The following DOCK3 variants were observed in gnomAD, a reference collection of about 807,000 sequenced individuals.
DOCK3 encodes dedicator of cytokinesis 3, also known as dedicator of cytokinesis protein 3.
Under a neutral mutation model 265.6 loss-of-function variants are expected in DOCK3, and 60 were observed. The observed-to-expected ratio is 0.23, with a 90% CI of 0.18 to 0.28. The LOEUF (loss-of-function observed/expected upper bound fraction) is 0.28. DOCK3 is among the 10% of genes least tolerant of loss of function. The probability of loss-of-function intolerance (pLI) is 1.00; values close to 1 mark genes in which losing one functional copy is unlikely to be tolerated. For synonymous variants in DOCK3, 881 were observed against 938.0 expected, an observed-to-expected ratio of 0.94 and a Z score of 1.11; for missense variants, 1,981 against 2,594.3, an observed-to-expected ratio of 0.76 and a Z score of 5.14.
intron 12 of DOCK3, among the ~76,000 whole-genome samples, chr3:51,165,505 A>G (rs570771293): frequency 6.6e-6 from 1 of 152,244 alleles, no homozygotes; most frequent in Non-Finnish European, 1.5e-5. Flanking sequence ...GTTATTAACT[A>G]TAGCTACCAT....
chr3:51,054,121 TAAAAAAAAAA>T (rs35733959), intron 5 of DOCK3, among the ~76,000 whole-genome samples: 12 of 84,986 alleles, frequency 1.4e-4, no homozygotes, highest in African/African-American at 4.8e-4. Flanking sequence ...CGTAGCTTCC[TAAAAAAAAAA>T]AAAAAAAAAA....
At chr3:50,794,152 G>A (rs1002970055) in intron 2 of DOCK3, among the ~76,000 whole-genome samples, 12 of 152,154 alleles carry the variant, frequency 7.9e-5, no homozygotes, top group African/African-American at 2.9e-4. Context: ...TTGTGTCCGA[G>A]TATGTGGTCA....
chr3:51,029,413 G>C (rs1357384127), intron 5 of DOCK3, among the ~76,000 whole-genome samples: 1 of 152,190 alleles, frequency 6.6e-6, no homozygotes, highest in Non-Finnish European at 1.5e-5. Flanking sequence ...CTTTCAGTGG[G>C]GGTGGGGCTG....
intron 5 of DOCK3, among the ~76,000 whole-genome samples, chr3:51,019,716 G>T (rs1002337700): frequency 5.0e-4 from 14 of 28,216 alleles, no homozygotes; most frequent in Non-Finnish European, 7.3e-4. Context: ...ACTTATAAGT[G>T]AGAACATGTG....
chr3:51,166,692 T>G (rs941110436), intron 12 of DOCK3, among the ~76,000 whole-genome samples: 2 of 152,228 alleles, frequency 1.3e-5, no homozygotes, highest in Non-Finnish European at 2.9e-5. Context: ...TTCTTTTTGA[T>G]TTGTATTTTC....
At chr3:51,113,667 A>G (rs999233719) in intron 9 of DOCK3, among the ~76,000 whole-genome samples, 1 of 152,176 alleles carries the variant, frequency 6.6e-6, no homozygotes, top group Non-Finnish European at 1.5e-5. Flanking sequence ...CAGTGATCTA[A>G]TATACCTGTT....
At chr3:51,313,295 A>G (rs960810631) in intron 31 of DOCK3, among the ~76,000 whole-genome samples, 6 of 152,254 alleles carry the variant, frequency 3.9e-5, no homozygotes, top group African/African-American at 1.4e-4. Context: ...TACATGAGCA[A>G]AGGTGGCTAT....
At chr3:51,300,451 G>A (rs1236494158) in intron 27 of DOCK3, among the ~76,000 whole-genome samples, 1 of 152,164 alleles carries the variant, frequency 6.6e-6, no homozygotes, top group East Asian at 1.9e-4. Flanking sequence ...AATAGGAGTG[G>A]TGAGAGAAGG....
intron 5 of DOCK3, among the ~76,000 whole-genome samples, chr3:50,948,597 C>G (rs747093579): frequency 2.0e-5 from 3 of 151,454 alleles, no homozygotes; most frequent in Non-Finnish European, 4.4e-5. Flanking sequence ...CTTTTCTCTT[C>G]TTTCTCTTTT....
chr3:50,707,021 T>C (rs982893213), intron 1 of DOCK3, among the ~76,000 whole-genome samples: 3 of 152,074 alleles, frequency 2.0e-5, no homozygotes, highest in South Asian at 4.2e-4. Flanking sequence ...TGTTTAAAAA[T>C]GTGTAGTGTG....
At chr3:51,355,594 A>G (rs1183992813) in intron 41 of DOCK3, among the ~76,000 whole-genome samples, 1 of 152,234 alleles carries the variant, frequency 6.6e-6, no homozygotes, top group Non-Finnish European at 1.5e-5. Flanking sequence ...TGGGGACCAC[A>G]TGACAGTTGC....
At chr3:51,354,761 G>A (rs1238945591) in intron 40 of DOCK3, 121 bp from the exon 41 acceptor site, 15 of 1,457,384 alleles carry the variant, frequency 1.0e-5, no homozygotes, top group Non-Finnish European at 1.3e-5. Flanking sequence ...GCCTGTCCCA[G>A]GGCCTGATAC....
rs2088688897 is a variant in DOCK3 at position 51,382,124 on chromosome 3, GCTA to G, written c.*568_*570del. The stretch of plus-strand genomic sequence containing the variant: ...CTGCCCCTCTTCCATCCAGGAGTGT[GCTA>G]CTGAGGGGCTGGCTGGACCAACCTG... On this transcript the variant is annotated 3_prime_UTR_variant, in exon 53 of 53. Coordinates refer to ENST00000266037, the MANE Select transcript of DOCK3 (RefSeq NM_004947.5). 2 of 152,860 alleles carry G rather than the reference GCTA, an allele frequency of 1.3e-5. No homozygotes were observed. Among genetic ancestry groups the G allele is most frequent in the Admixed American group, 1.3e-4 (2 of 15,308 alleles). The allele number at this position is 152,860 out of a possible 1,614,324, so 9.5% of individuals were successfully genotyped here.
At chr3:51,200,119 G>A (rs1447189553) in intron 12 of DOCK3, among the ~76,000 whole-genome samples, 1 of 152,010 alleles carries the variant, frequency 6.6e-6, no homozygotes, top group African/African-American at 2.4e-5. Flanking sequence ...CTCTAAAAAA[G>A]CAGAGCACCT....
At chr3:51,097,540 G>T (rs774507648) in intron 9 of DOCK3, among the ~76,000 whole-genome samples, 3 of 152,204 alleles carry the variant, frequency 2.0e-5, no homozygotes, top group Non-Finnish European at 4.4e-5. Flanking sequence ...AGCTTCCAGG[G>T]CTCCATGGGG....
chr3:51,113,381 G>T (rs184716171), intron 9 of DOCK3, among the ~76,000 whole-genome samples: 1 of 152,050 alleles, frequency 6.6e-6, no homozygotes, highest in Non-Finnish European at 1.5e-5. Context: ...TTCCCCTTCA[G>T]TTGCCAAACT....
At chr3:50,802,378 T>C (rs749953047) in intron 2 of DOCK3, among the ~76,000 whole-genome samples, 3 of 152,178 alleles carry the variant, frequency 2.0e-5, no homozygotes, top group Non-Finnish European at 4.4e-5. Flanking sequence ...GTTCCGTATG[T>C]TTTATCGATG....
intron 12 of DOCK3, among the ~76,000 whole-genome samples, chr3:51,172,013 T>A: frequency 6.6e-6 from 1 of 152,222 alleles, no homozygotes; most frequent in South Asian, 2.1e-4. Flanking sequence ...TGCTCTAATT[T>A]TGGGTGCAAA....
At chr3:50,866,812 A>G (rs2047167561) in intron 3 of DOCK3, among the ~76,000 whole-genome samples, 1 of 152,114 alleles carries the variant, frequency 6.6e-6, no homozygotes, top group South Asian at 2.1e-4. Flanking sequence ...TGCCAATACC[A>G]TGCTCTTTTG....
Sources: gnomAD v4.1 joint callset for allele counts (sites outside exome capture counted in the v4.1 genomes callset) on GRCh38, gnomAD v4.1.1 for gene constraint, MANE v1.5 for transcripts, NCBI Gene and HGNC (gene_info 2026-07-23, HGNC 2026-07-21) for gene names.